SOX5: variants seen among roughly 807,000 people sequenced by gnomAD.
SOX5 encodes SRY-box transcription factor 5.
In SOX5, 9 loss-of-function variants were observed where a neutral mutation model predicts 92.0. The observed-to-expected ratio is 0.10, with a 90% CI of 0.06 to 0.17. The LOEUF (loss-of-function observed/expected upper bound fraction) is 0.17, where lower values mean the gene tolerates loss of function less well. Among genes scored for constraint, SOX5 ranks in the 10% least tolerant of loss-of-function variants. The pLI, the probability that SOX5 is intolerant of heterozygous loss-of-function variation, is 1.00. For missense variants in SOX5, 642 were observed against 944.5 expected, an observed-to-expected ratio of 0.68 and a Z score of 4.20; for synonymous variants, 344 against 336.3, an observed-to-expected ratio of 1.02 and a Z score of -0.25.
intron 4 of SOX5, chr12:24,212,567 T>C: frequency 2.0e-6 from 1 of 504,586 alleles, no homozygotes; most frequent in Non-Finnish European, 4.0e-6. Flanking sequence ...AACTAAGCAA[T>C]AATAGTGAGA....
At chr12:23,605,924 TC>T (rs1164242782) in intron 8 of SOX5, among the ~76,000 whole-genome samples, 1 of 152,060 alleles carries the variant, frequency 6.6e-6, no homozygotes, top group African/African-American at 2.4e-5. Context: ...AATAATTGTC[TC>T]ATAAGGGTTT....
At chr12:23,825,081 C>T (rs2096203767) in intron 3 of SOX5, among the ~76,000 whole-genome samples, 3 of 152,092 alleles carry the variant, frequency 2.0e-5, no homozygotes, top group Non-Finnish European at 4.4e-5. Context: ...GCTTCAGCCC[C>T]CTTTCCAGGG....
intron 1 of SOX5, among the ~76,000 whole-genome samples, chr12:23,943,238 T>C (rs758982151): frequency 1.1e-4 from 17 of 151,896 alleles, no homozygotes; most frequent in South Asian, 2.1e-4. Context: ...CTGGTCCCCA[T>C]TGTCCATGAG....
intron 3 of SOX5, among the ~76,000 whole-genome samples, chr12:24,247,470 G>A (rs567269396): frequency 1.3e-5 from 2 of 151,938 alleles, no homozygotes; most frequent in East Asian, 1.9e-4. Flanking sequence ...TAAGGCCCAG[G>A]AATAGGAGAG....
At chr12:24,558,580 T>C (rs1954037932) in intron 1 of SOX5, among the ~76,000 whole-genome samples, 1 of 152,254 alleles carries the variant, frequency 6.6e-6, no homozygotes, top group South Asian at 2.1e-4. Context: ...AAATTCATTA[T>C]ATTTAAGCAA....
chr12:24,002,848 C>A (rs1231144494), intron 4 of SOX5, among the ~76,000 whole-genome samples: 3 of 151,314 alleles, frequency 2.0e-5, no homozygotes, highest in Non-Finnish European at 2.9e-5. Context: ...ACCTGGGTAC[C>A]AAAGTCAGAT....
chr12:24,325,746 T>G (rs1174361727), intron 2 of SOX5, among the ~76,000 whole-genome samples: 1 of 152,176 alleles, frequency 6.6e-6, no homozygotes, highest in African/African-American at 2.4e-5. Context: ...AATCCCATAA[T>G]TAGCAAGAAT....
At chr12:23,765,852 T>C (rs527726087) in intron 3 of SOX5, among the ~76,000 whole-genome samples, 1 of 152,250 alleles carries the variant, frequency 6.6e-6, no homozygotes, top group African/African-American at 2.4e-5. Flanking sequence ...TTCATTCATT[T>C]ATCTAACAGT....
intron 3 of SOX5, among the ~76,000 whole-genome samples, chr12:23,777,768 G>T (rs1349813746): frequency 6.6e-6 from 1 of 151,466 alleles, no homozygotes; most frequent in African/African-American, 2.4e-5. Context: ...AAAATTGAAA[G>T]AAAACATAAA....
At chr12:24,486,615 T>C (rs1288207263) in intron 1 of SOX5, among the ~76,000 whole-genome samples, 2 of 152,206 alleles carry the variant, frequency 1.3e-5, no homozygotes, top group Non-Finnish European at 2.9e-5. Context: ...TTATCCCCTA[T>C]AATCCTTTAA....
chr12:23,761,358 A>G (rs2094557827), intron 3 of SOX5, among the ~76,000 whole-genome samples: 1 of 152,150 alleles, frequency 6.6e-6, no homozygotes, highest in Non-Finnish European at 1.5e-5. Flanking sequence ...AAACAAATTT[A>G]TATTTCCTCT....
At chr12:24,207,463 G>A (rs991598273) in intron 4 of SOX5, among the ~76,000 whole-genome samples, 3 of 151,964 alleles carry the variant, frequency 2.0e-5, no homozygotes, top group Non-Finnish European at 2.9e-5. Context: ...ATATATGAAT[G>A]AATAAATGAA....
chr12:24,235,103 G>C (rs547329119), intron 3 of SOX5, among the ~76,000 whole-genome samples: 1 of 152,284 alleles, frequency 6.6e-6, no homozygotes, highest in South Asian at 2.1e-4. Flanking sequence ...CCTCTGTACT[G>C]TCTCACACTA....
At chr12:24,443,478 T>C (rs1237124849) in intron 1 of SOX5, among the ~76,000 whole-genome samples, 1 of 152,200 alleles carries the variant, frequency 6.6e-6, no homozygotes, top group Non-Finnish European at 1.5e-5. Context: ...CCAAACCAAT[T>C]TGATTCTGTC....
At chr12:24,156,570 G>A (rs1358736345) in intron 4 of SOX5, among the ~76,000 whole-genome samples, 1 of 151,846 alleles carries the variant, frequency 6.6e-6, no homozygotes, top group Non-Finnish European at 1.5e-5. Context: ...ATGTTTATCT[G>A]CTGTATGTAT....
At chr12:23,792,591 G>A (rs1429663458) in intron 3 of SOX5, among the ~76,000 whole-genome samples, 1 of 115,668 alleles carries the variant, frequency 8.6e-6, no homozygotes, top group Non-Finnish European at 1.6e-5. Context: ...CCATTGCACT[G>A]CAGCCTGGGC....
intron 4 of SOX5, among the ~76,000 whole-genome samples, chr12:24,017,123 C>A (rs1450865733): frequency 6.6e-6 from 1 of 152,178 alleles, no homozygotes; most frequent in Non-Finnish European, 1.5e-5. Context: ...TCTCTTTAAA[C>A]CGTCAATAAT....
chr12:24,016,787 G>A (rs975299596), intron 4 of SOX5, among the ~76,000 whole-genome samples: 2 of 152,164 alleles, frequency 1.3e-5, no homozygotes, highest in African/African-American at 4.8e-5. Context: ...TCAGCCAACA[G>A]AGAAAGAGAG....
At chr12:24,046,461 G>T (rs1213431727) in intron 4 of SOX5, among the ~76,000 whole-genome samples, 1 of 152,028 alleles carries the variant, frequency 6.6e-6, no homozygotes, top group African/African-American at 2.4e-5. Flanking sequence ...AATTTACAAA[G>T]CTTATTAATA....
Sources: gnomAD v4.1 joint callset for allele counts (sites outside exome capture counted in the v4.1 genomes callset) on GRCh38, gnomAD v4.1.1 for gene constraint, MANE v1.5 for transcripts, NCBI Gene and HGNC (gene_info 2026-07-23, HGNC 2026-07-21) for gene names.